The following TRIM24 variants were observed in gnomAD, a reference collection of about 807,000 sequenced individuals.
TRIM24 encodes the protein transcription intermediary factor 1-alpha.
In TRIM24, 29 loss-of-function variants were observed where a neutral mutation model predicts 123.9. The observed-to-expected ratio is 0.23, with a 90% CI of 0.17 to 0.32. TRIM24 has a LOEUF of 0.32. Ranked by LOEUF, TRIM24 falls within the 10% of genes least tolerant of loss-of-function variation. TRIM24 has a pLI of 1.00. For missense variants in TRIM24, 932 were observed against 1,295.3 expected (o/e 0.72, Z 4.31); for synonymous variants, 456 against 461.1 (o/e 0.99, Z 0.14).
rs890560693 is a variant in TRIM24 at position 138,460,486 on chromosome 7, G to A, written c.-63G>A. The A allele has an allele frequency of 7.2e-6, 9 of 1,255,518 alleles. No individual in the cohort carries two copies. In the African/African-American group the frequency reaches 1.2e-4, roughly 17 times the overall value. 77.8% of individuals were successfully genotyped at this position (1,255,518 alleles called of 1,614,324 possible). A position where few individuals can be genotyped will look rare whatever the true frequency, so the allele number is the denominator to read the frequency against. On this transcript the variant is annotated 5_prime_UTR_variant, in exon 1 of 19. Transcript: ENST00000343526. ...GGAGCAGCCGCAGGAGGAGGAGGAGGTCGTCGGGGGCGGCGGGCGGAGACC... is the reference window on the plus strand; with the variant it reads ...GGAGCAGCCGCAGGAGGAGGAGGAGATCGTCGGGGGCGGCGGGCGGAGACC...
intron 4 of TRIM24, among the ~76,000 whole-genome samples, chr7:138,520,175 A>G (rs920332377): frequency 3.9e-5 from 6 of 152,238 alleles, no homozygotes; most frequent in South Asian, 4.1e-4. Flanking sequence ...TGATAGGCTC[A>G]CAGGGCTGAG....
chr7:138,527,940 C>T (rs532550057), intron 5 of TRIM24, among the ~76,000 whole-genome samples: 1 of 152,328 alleles, frequency 6.6e-6, no homozygotes, highest in East Asian at 1.9e-4. Flanking sequence ...GGCTTTTATA[C>T]ACACTTCTAA....
rs547291035 is a variant in TRIM24 at position 138,523,483 on chromosome 7, A to C, written c.765-1758A>C. ...AAAAATAGCCCCTTTTGGCCGGGCG[A>C]GGTGGCTCACGCCTGTAATCCCAGC... On this transcript the variant is annotated intron_variant, in intron 4 of 18. Coordinates refer to ENST00000343526, the MANE Select transcript of TRIM24 (RefSeq NM_015905.3). Among the ~76,000 whole-genome samples, 1,251 of 152,250 alleles carry C rather than the reference A, an allele frequency of 8.2e-3. 14 individuals carry two copies. The highest frequency in any genetic ancestry group is 0.011 in the Non-Finnish European group (714 of 67,986).
At chr7:138,539,176 C>T (rs545686458) in intron 7 of TRIM24, among the ~76,000 whole-genome samples, 2 of 152,078 alleles carry the variant, frequency 1.3e-5, no homozygotes, top group South Asian at 2.1e-4. Flanking sequence ...CTATTCACCC[C>T]CCTTGTACAC....
chr7:138,576,437 C>T lies in TRIM24; in HGVS notation c.2079C>T (p.Ser693=). 1 of 1,613,542 alleles carries T rather than the reference C, an allele frequency of 6.2e-7. No individual in the cohort carries two copies. Among genetic ancestry groups the T allele is most frequent in the African/African-American group, 1.3e-5 (1 of 74,964 alleles). ...CACCTAGTGCCTCCAGCGTTGGAAG[C>T]CGAGGAAGGTAAACTGACTAAACCA... ...IRSPSASSVG[S]RGSSGSSSKP... Residue 693 remains serine (S), a synonymous_variant, in exon 13 of 19, where the codon AGC becomes AGT. Coordinates refer to ENST00000343526, the MANE Select transcript of TRIM24 (RefSeq NM_015905.3).
In TRIM24 at chr7:138,589,833, T is replaced by G. The variant is rs996542139; in HGVS notation, c.*4882T>G. ...TTTTGATTCTTGTAATTTCTGAGAA[T>G]TACTATGTTTTAAATTTACTATTGG... is the stretch of plus-strand genomic sequence containing the variant. On this transcript the variant is annotated 3_prime_UTR_variant, in exon 19 of 19. Coordinates refer to ENST00000343526, the MANE Select transcript of TRIM24 (RefSeq NM_015905.3). The G allele has an allele frequency of 1.3e-5, 2 of 152,198 alleles. No individual in the cohort carries two copies. Among genetic ancestry groups the G allele is most frequent in the Admixed American group, 1.3e-4 (2 of 15,278 alleles). 9.4% of individuals were successfully genotyped at this position (152,198 alleles called of 1,614,324 possible). A position where few individuals can be genotyped will look rare whatever the true frequency, so the allele number is the denominator to read the frequency against.
rs770964035 is a variant in TRIM24, at chr7:138,576,376, C to T, written c.2018C>T (p.Pro673Leu). 6.2e-7 allele frequency: 1 copy of T among 1,613,148 alleles called. No individual in the cohort carries two copies. The highest frequency in any genetic ancestry group is 8.5e-7 in the Non-Finnish European group (1 of 1,179,280). Residue 673 changes from proline (P) to leucine (L), a missense_variant, in exon 13 of 19, where the codon CCT becomes CTT. Physicochemically the swap from Pro to Leu is moderately conservative, Grantham distance 98. Coordinates refer to ENST00000343526, the MANE Select transcript of TRIM24 (RefSeq NM_015905.3). ...TGTATGGTTTCCCCCTCCTCAGGACCTGTTACTATGACTAGTGTACACCCC... is the reference window on the plus strand; with the variant it reads ...TGTATGGTTTCCCCCTCCTCAGGACTTGTTACTATGACTAGTGTACACCCC... ...SSVPSPGLAGPVTMTSVHPPI... is the reference protein window; with the variant it reads ...SSVPSPGLAGLVTMTSVHPPI...
At chr7:138,510,526 A>G (rs187958491) in intron 2 of TRIM24, among the ~76,000 whole-genome samples, 5 of 152,158 alleles carry the variant, frequency 3.3e-5, no homozygotes, top group Admixed American at 3.3e-4. Flanking sequence ...GGTTCAAGCA[A>G]TTCTTCTGCC....
intron 11 of TRIM24, among the ~76,000 whole-genome samples, chr7:138,571,799 G>A (rs908078169): frequency 6.6e-6 from 1 of 152,170 alleles, no homozygotes; most frequent in African/African-American, 2.4e-5. Context: ...TTGAACTCCT[G>A]GGCTGAAGGG....
At chr7:138,461,173 C>G (rs752241375) in intron 1 of TRIM24, 1 of 700,576 alleles carries the variant, frequency 1.4e-6, no homozygotes. Flanking sequence ...TCTCAACAGC[C>G]GGGCGGCCCC....
chr7:138,467,490 C>T (rs754892480), intron 1 of TRIM24, among the ~76,000 whole-genome samples: 20 of 152,160 alleles, frequency 1.3e-4, no homozygotes, highest in South Asian at 4.2e-4. Context: ...TATAGGCATG[C>T]GCCACTACGC....
intron 6 of TRIM24, among the ~76,000 whole-genome samples, chr7:138,537,381 T>TG (rs1796907707): frequency 2.6e-5 from 3 of 117,102 alleles, no homozygotes; most frequent in South Asian, 3.3e-4. Flanking sequence ...CCCTGTTTGT[T>TG]TTTTTTTTTT....
chr7:138,517,856 CTT>C (rs1417316072), intron 3 of TRIM24, among the ~76,000 whole-genome samples: 1 of 152,142 alleles, frequency 6.6e-6, no homozygotes, highest in African/African-American at 2.4e-5. Flanking sequence ...TGTCTTCTCT[CTT>C]TCTCTCTTGC....
At chr7:138,581,336 G>C (rs1374482521) in intron 16 of TRIM24, among the ~76,000 whole-genome samples, 1 of 152,198 alleles carries the variant, frequency 6.6e-6, no homozygotes, top group Non-Finnish European at 1.5e-5. Flanking sequence ...CATGCAGAAA[G>C]GTGCCTTAGG....
chr7:138,476,814 A>G (rs1386518402), intron 1 of TRIM24, among the ~76,000 whole-genome samples: 2 of 152,212 alleles, frequency 1.3e-5, no homozygotes, highest in Admixed American at 6.5e-5. Context: ...TCTCAGAGAT[A>G]CAAATGCAAA....
In TRIM24 at chr7:138,572,765, A is replaced by C. The variant is rs547821606; in HGVS notation, c.1879-742A>C. On this transcript the variant is annotated intron_variant, in intron 11 of 18. Coordinates refer to ENST00000343526, the MANE Select transcript of TRIM24 (RefSeq NM_015905.3). Reference sequence around the variant, plus strand: ...TTTTAAGCCCAAAGACATTGGTGGGAAATTTGGTATATGTAGGCATGAAAG... The same window carrying C: ...TTTTAAGCCCAAAGACATTGGTGGGCAATTTGGTATATGTAGGCATGAAAG... Among the ~76,000 whole-genome samples the C allele has an allele frequency of 2.0e-5, 3 of 152,344 alleles. No homozygotes were observed. The South Asian group carries it at 6.2e-4, about 32-fold the overall frequency.
intron 6 of TRIM24, among the ~76,000 whole-genome samples, chr7:138,531,487 G>A (rs980824355): frequency 3.3e-5 from 5 of 151,666 alleles, no homozygotes; most frequent in Admixed American, 1.3e-4. Flanking sequence ...TTGTCCCTGC[G>A]ATAGTTTGCT....
At chr7:138,544,367 G>A (rs898173948) in intron 7 of TRIM24, among the ~76,000 whole-genome samples, 1 of 152,050 alleles carries the variant, frequency 6.6e-6, no homozygotes, top group Non-Finnish European at 1.5e-5. Flanking sequence ...CTTTTTTAAG[G>A]TTGGATAATA....
intron 7 of TRIM24, among the ~76,000 whole-genome samples, chr7:138,540,464 T>C (rs996672958): frequency 4.6e-5 from 7 of 152,318 alleles, no homozygotes; most frequent in African/African-American, 9.6e-5. Context: ...GTAATTTCTA[T>C]CTCAAAAAAC....
Sources: gnomAD v4.1 joint callset for allele counts (sites outside exome capture counted in the v4.1 genomes callset) on GRCh38, gnomAD v4.1.1 for gene constraint, MANE v1.5 for transcripts, NCBI Gene and HGNC (gene_info 2026-07-23, HGNC 2026-07-21) for gene names.